OR2AG2: variants seen among roughly 807,000 people sequenced by gnomAD.
OR2AG2 encodes the protein olfactory receptor family 2 subfamily AG member 2.
For synonymous variants in OR2AG2, 167 were observed against 157.1 expected (o/e 1.06, Z -0.47); for missense variants, 390 against 391.9 (o/e 1.00, Z 0.04).
rs756478880 is a variant in OR2AG2 at position 6,768,182 on chromosome 11, T to C, written c.776A>G (p.Tyr259Cys). The change falls in exon 2 of 2, where the codon TAT becomes TGT. Residue 259 changes from tyrosine (Y) to cysteine (C), a missense_variant. Coordinates refer to ENST00000641124, the MANE Select transcript of OR2AG2 (RefSeq NM_001004490.2). ...GMFYGAATFM[Y>C]VLPSSFHSPK... ...GCTGTGGAAGGAACTGGGCAAGACA[T>C]ACATGAATGTGGCAGCTCCATAGAA... 121 of 1,614,042 alleles carry C rather than the reference T, an allele frequency of 7.5e-5. 1 individual carries two copies. The Admixed American group carries it at 1.6e-3, about 22-fold the overall frequency.
intron 1 of OR2AG2, among the ~76,000 whole-genome samples, chr11:6,769,726 C>T (rs1375919085): frequency 6.6e-6 from 1 of 152,070 alleles, no homozygotes; most frequent in Non-Finnish European, 1.5e-5. Context: ...GTAGAAACGG[C>T]CCAAAGCAAT....
rs1217091568 is a variant in OR2AG2, at chr11:6,768,221, A to G, written c.737T>C (p.Ile246Thr). ...KALVTCSSHL[I>T]VVGMFYGAAT... ...AGCTCCATAGAACATCCCGACCACA[A>G]TCAGGTGGGAAGAGCAGGTGACAAG... Residue 246 changes from isoleucine (I) to threonine (T), a missense_variant, in exon 2 of 2, where the codon ATT (isoleucine) becomes ACT (threonine). Transcript: ENST00000641124. The G allele has an allele frequency of 6.2e-6, 10 of 1,614,046 alleles. No individual in the cohort carries two copies. The highest frequency in any genetic ancestry group is 2.7e-5 in the African/African-American group (2 of 74,934).
rs1332428310 is a variant in OR2AG2, at chr11:6,769,263, T to A, written c.-306A>T. On this transcript the variant is annotated 5_prime_UTR_variant, in exon 2 of 2. It removes an upstream start codon present in the reference 5' UTR. Transcript: ENST00000641124. The stretch of plus-strand genomic sequence containing the variant: ...ACATCTTTGTAGATAGATGAAAGCA[T>A]CTCTTTCTTCACAATGAACAAATAT... 17 of 276,394 alleles carry A rather than the reference T, an allele frequency of 6.2e-5. No individual in the cohort carries two copies. Among genetic ancestry groups the A allele is most frequent in the Non-Finnish European group, 1.0e-4 (15 of 147,332 alleles). 17.1% of individuals were successfully genotyped at this position (276,394 alleles called of 1,614,324 possible).
chr11:6,767,735 A>G lies in OR2AG2; in HGVS notation c.*272T>C. The G allele has an allele frequency of 2.2e-6, 1 of 444,872 alleles. No individual in the cohort carries two copies. The highest frequency in any genetic ancestry group is 4.0e-6 in the Non-Finnish European group (1 of 250,970). 27.6% of individuals were successfully genotyped at this position (444,872 alleles called of 1,614,324 possible). On this transcript the variant is annotated 3_prime_UTR_variant, in exon 2 of 2. Transcript: ENST00000641124. ...GATGCCTACCACAGAGTGAGTCTAC[A>G]ACACCCATTCAAGGCTTTTCCCCCA...
rs1224216650 is a variant in OR2AG2, at chr11:6,768,472, G to A, written c.486C>T (p.Tyr162=). 9 of 1,614,146 alleles carry A rather than the reference G, an allele frequency of 5.6e-6. No individual in the cohort carries two copies. The highest frequency in any genetic ancestry group is 2.2e-5 in the South Asian group (2 of 91,082). Reference sequence around the variant, plus strand: ...ACACACAGAAAGGGAGGTGCATAGTGTACATGGTATGTCCTATAGCAATCA... The same window carrying A: ...ACACACAGAAAGGGAGGTGCATAGTATACATGGTATGTCCTATAGCAATCA... ...ASLIAIGHTM[Y]TMHLPFCVSW... is the part of the protein sequence containing the mutation. Residue 162 remains tyrosine, a synonymous_variant, in exon 2 of 2, where the codon TAC becomes TAT. Transcript: ENST00000641124.
chr11:6,770,759 G>A (rs1181997644), intron 1 of OR2AG2, among the ~76,000 whole-genome samples: 2 of 152,158 alleles, frequency 1.3e-5, no homozygotes, highest in African/African-American at 4.8e-5. Context: ...GTAAATAAAA[G>A]GAGGAACATA....
In OR2AG2 at chr11:6,767,775, T is replaced by C; in HGVS notation, c.*232A>G. The C allele has an allele frequency of 2.0e-6, 1 of 508,192 alleles. No homozygotes were observed. The highest frequency in any genetic ancestry group is 3.1e-5 in the East Asian group (1 of 31,856). 31.5% of individuals were successfully genotyped at this position (508,192 alleles called of 1,614,324 possible). On this transcript the variant is annotated 3_prime_UTR_variant, in exon 2 of 2. Coordinates refer to ENST00000641124, the MANE Select transcript of OR2AG2 (RefSeq NM_001004490.2). ...CTTTTCCCCCATCTGGTTATTTTTA[T>C]AACATGGGTTTCCAAAGTCAGGATG...
Position 6,769,184 on chromosome 11 carries a change from T to C in OR2AG2, c.-227A>G, listed in dbSNP as rs897110417. On this transcript the variant is annotated 5_prime_UTR_variant, in exon 2 of 2. Transcript: ENST00000641124. ...AGGTATTTTGACATGTTGTTAATAG[T>C]AATCATTTAGAAATCCCTTCAAATA... 5 of 478,388 alleles carry C rather than the reference T, an allele frequency of 1.0e-5. No individual in the cohort carries two copies. The highest frequency in any genetic ancestry group is 9.7e-5 in the African/African-American group (5 of 51,786). The allele number at this position is 478,388 out of a possible 1,614,324, so 29.6% of individuals were successfully genotyped here. A position where few individuals can be genotyped will look rare whatever the true frequency, so the allele number is the denominator to read the frequency against.
chr11:6,770,326 C>G (rs1422583854), intron 1 of OR2AG2, among the ~76,000 whole-genome samples: 4 of 151,386 alleles, frequency 2.6e-5, no homozygotes, highest in Non-Finnish European at 5.9e-5. Context: ...AAAGGATTCA[C>G]CAAGGAAGTG....
rs188719822 is a variant in OR2AG2 at position 6,771,325 on chromosome 11, C to T, written c.-538+297G>A. 7.7e-4 allele frequency among the ~76,000 whole-genome samples: 117 copies of T among 152,306 alleles called. No homozygotes were observed. In the Middle Eastern group the frequency reaches 0.01, roughly 13 times the overall value. On this transcript the variant is annotated intron_variant, in intron 1 of 1. Coordinates refer to ENST00000641124, the MANE Select transcript of OR2AG2 (RefSeq NM_001004490.2). ...TCATTTGGGGACTCACATCAAACTA[C>T]TGGAGGCCAGGAAAATCTAGATGTA...
chr11:6,768,363 T>C lies in OR2AG2; in HGVS notation c.595A>G (p.Ile199Val), dbSNP rs780888527. 5 of 1,613,914 alleles carry C rather than the reference T, an allele frequency of 3.1e-6. No individual in the cohort carries two copies. In the African/African-American group the frequency reaches 4.0e-5, roughly 13 times the overall value. ...CADTSRYELI[I>V]YVTGVTFLLL... ...AGGAAAGTCACACCTGTCACGTATA[T>C]TATAAGCTCATACCTGGAGGTATCA... The change falls in exon 2 of 2, where the codon ATA (isoleucine) becomes GTA (valine). Residue 199 changes from isoleucine to valine, a missense_variant. Physicochemically the swap from Ile to Val is conservative, Grantham distance 29. Coordinates refer to ENST00000641124, the MANE Select transcript of OR2AG2 (RefSeq NM_001004490.2).
chr11:6,768,833 T>C lies in OR2AG2; in HGVS notation c.125A>G (p.Asn42Ser), dbSNP rs760546175. The C allele has an allele frequency of 3.1e-6, 5 of 1,613,960 alleles. 1 individual carries two copies. In the East Asian group the frequency reaches 8.9e-5, roughly 29 times the overall value. Residue 42 changes from asparagine (N) to serine (S), a missense_variant, in exon 2 of 2, where the codon AAT becomes AGT. Transcript: ENST00000641124. The stretch of plus-strand genomic sequence containing the variant: ...GGTGATGGCCAGGAGCAGCAGACCA[T>C]TGCTGGTCAGTGCCAACATGTATAG... ...TILYMLALTSNGLLLLAITIE... is the reference protein window; with the variant it reads ...TILYMLALTSSGLLLLAITIE...
chr11:6,771,070 A>G (rs1263459302), intron 1 of OR2AG2, among the ~76,000 whole-genome samples: 1 of 152,266 alleles, frequency 6.6e-6, no homozygotes, highest in Non-Finnish European at 1.5e-5. Flanking sequence ...AGAGGCTGAT[A>G]TTAAGAGGCA....
At position 6,767,997 on chromosome 11, in the gene OR2AG2, T is replaced by A; in HGVS notation, c.*10A>T. On this transcript the variant is annotated 3_prime_UTR_variant, in exon 2 of 2. Transcript: ENST00000641124. ...AGGAGGAATGGTGAGAGGCAAGCCA[T>A]GATCCTTCCCTAGAGCGTGGAATGT... 1 of 1,593,340 alleles carries A rather than the reference T, an allele frequency of 6.3e-7. No individual in the cohort carries two copies. Among genetic ancestry groups the A allele is most frequent in the Non-Finnish European group, 8.6e-7 (1 of 1,167,186 alleles).
In OR2AG2 at chr11:6,770,130, G is replaced by A. The variant is rs527731263; in HGVS notation, c.-537-636C>T. On this transcript the variant is annotated intron_variant, in intron 1 of 1. Coordinates refer to ENST00000641124, the MANE Select transcript of OR2AG2 (RefSeq NM_001004490.2). Reference sequence around the variant, plus strand: ...ATACAAAAACCTGACATTGGAAGGCGCATCTGATCCTGCTCCTTTCATTCA... The same window carrying A: ...ATACAAAAACCTGACATTGGAAGGCACATCTGATCCTGCTCCTTTCATTCA... 1.2e-4 allele frequency among the ~76,000 whole-genome samples: 18 copies of A among 152,194 alleles called. No homozygotes were observed. In the South Asian group the frequency reaches 2.7e-3, roughly 23 times the overall value.
Position 6,768,807 on chromosome 11 carries a change from T to C in OR2AG2, c.151A>G (p.Ile51Val), listed in dbSNP as rs141494121. 4 of 1,614,128 alleles carry C rather than the reference T, an allele frequency of 2.5e-6. No homozygotes were observed. The highest frequency in any genetic ancestry group is 2.2e-5 in the South Asian group (2 of 91,074). Residue 51 changes from isoleucine to valine, a missense_variant, in exon 2 of 2, where the codon ATA becomes GTA. By Grantham distance (29) the Ile-to-Val change is conservative. Coordinates refer to ENST00000641124, the MANE Select transcript of OR2AG2 (RefSeq NM_001004490.2). ...SNGLLLLAIT[I>V]EARLHMPMYL... Reference sequence around the variant, plus strand: ...ATGGGCATGTGGAGCCGGGCTTCTATGGTGATGGCCAGGAGCAGCAGACCA... The same window carrying C: ...ATGGGCATGTGGAGCCGGGCTTCTACGGTGATGGCCAGGAGCAGCAGACCA...
chr11:6,768,600 A>C lies in OR2AG2; in HGVS notation c.358T>G (p.Tyr120Asp). The change falls in exon 2 of 2, where the codon TAT becomes GAT. Residue 120 changes from tyrosine to aspartate, a missense_variant. Tyr to Asp is a radical substitution (Grantham distance 160). Transcript: ENST00000641124. ...TGACAAATGGCCACATACCTGTCAT[A>C]GGCCATGAAGGCCAGTAGGAGGTCC... The part of the protein sequence containing the change: ...AEDLLLAFMA[Y>D]DRYVAICHPL... The C allele has an allele frequency of 6.2e-7, 1 of 1,614,198 alleles. No homozygotes were observed. The highest frequency in any genetic ancestry group is 8.5e-7 in the Non-Finnish European group (1 of 1,180,024).
In OR2AG2 at chr11:6,768,542, C is replaced by T. The variant is rs370077338; in HGVS notation, c.416G>A (p.Arg139Lys). ...TGTGGCCACCATGATCCAGCAGACTCTTGGGCTCATGAGGGTCATGTATTT... is the reference window on the plus strand; with the variant it reads ...TGTGGCCACCATGATCCAGCAGACTTTTGGGCTCATGAGGGTCATGTATTT... ...PLKYMTLMSP[R>K]VCWIMVATSW... Residue 139 changes from arginine (R) to lysine (K), a missense_variant, in exon 2 of 2, where the codon AGA becomes AAA. Arg to Lys is a conservative substitution (Grantham distance 26, BLOSUM62 2). Transcript: ENST00000641124. 6.2e-7 allele frequency: 1 copy of T among 1,614,058 alleles called. No homozygotes were observed. Among genetic ancestry groups the T allele is most frequent in the Non-Finnish European group, 8.5e-7 (1 of 1,180,018 alleles).
Position 6,769,329 on chromosome 11 carries a change from A to C in OR2AG2, c.-372T>G, listed in dbSNP as rs1303548759. On this transcript the variant is annotated 5_prime_UTR_variant, in exon 2 of 2. In the 5' UTR this introduces an upstream ATG that the reference lacks. Transcript: ENST00000641124. ...AAGATCTAGCTATTTTTCTGCTTAA[A>C]ATGTAGTTGGAATTCCAATTCAGTT... 1.1e-5 allele frequency: 2 copies of C among 175,484 alleles called. No individual in the cohort carries two copies. Among genetic ancestry groups the C allele is most frequent in the Non-Finnish European group, 2.4e-5 (2 of 83,102 alleles). The allele number at this position is 175,484 out of a possible 1,614,324, so 10.9% of individuals were successfully genotyped here.
Sources: gnomAD v4.1 joint callset for allele counts (sites outside exome capture counted in the v4.1 genomes callset) on GRCh38, gnomAD v4.1.1 for gene constraint, MANE v1.5 for transcripts, NCBI Gene and HGNC (gene_info 2026-07-23, HGNC 2026-07-21) for gene names.